Variants in CPVL observed in about 807,000 individuals in gnomAD.
CPVL encodes the protein probable serine carboxypeptidase CPVL.
In CPVL, 51 loss-of-function variants were observed where a neutral mutation model predicts 63.7. The observed-to-expected ratio is 0.80, with a 90% CI of 0.64 to 1.01. The LOEUF is 1.01. Among genes scored for constraint, CPVL ranks in the 50% least tolerant of loss-of-function variants. The pLI, the probability that CPVL is intolerant of heterozygous loss-of-function variation, is 0.00. For synonymous variants in CPVL, 195 were observed against 206.0 expected, an observed-to-expected ratio of 0.95 and a Z score of 0.46; for missense variants, 530 against 573.1, an observed-to-expected ratio of 0.92 and a Z score of 0.77.
At chr7:28,999,345 A>C (rs1379734583) in intron 12 of CPVL, among the ~76,000 whole-genome samples, 8 of 152,232 alleles carry the variant, frequency 5.3e-5, no homozygotes, top group African/African-American at 1.4e-4. Flanking sequence ...GGGCCTAAGA[A>C]TTTGCATATC....
chr7:29,000,454 G>A (rs1784509731), intron 12 of CPVL, among the ~76,000 whole-genome samples: 1 of 152,158 alleles, frequency 6.6e-6, no homozygotes, highest in Non-Finnish European at 1.5e-5. Flanking sequence ...TGGAAATGCA[G>A]GGGCATGAAA....
rs188655556 is a variant in CPVL, at chr7:29,112,585, T to C, written c.288+119A>G. ...ATTTTTAGAAAAACAAAAATCTTAT[T>C]TTTAGAAAAAATCTATGAGATTTTT... On this transcript the variant is annotated intron_variant, in intron 3 of 12. Transcript: ENST00000265394. 21 of 655,734 alleles carry C rather than the reference T, an allele frequency of 3.2e-5. No individual in the cohort carries two copies. In the African/African-American group the frequency reaches 3.3e-4, roughly 10 times the overall value. 40.6% of individuals were successfully genotyped at this position (655,734 alleles called of 1,614,324 possible).
At chr7:29,174,907 CTAGAAGA>C (rs908685573) in intron 5 of CPVL, among the ~76,000 whole-genome samples, 1 of 149,750 alleles carries the variant, frequency 6.7e-6, no homozygotes, top group African/African-American at 2.5e-5. Context: ...GAACAAGAAG[CTAGAAGA>C]GAGAGAGACA....
At chr7:29,082,907 C>T (rs1053563607) in intron 7 of CPVL, among the ~76,000 whole-genome samples, 18 of 152,282 alleles carry the variant, frequency 1.2e-4, no homozygotes, top group Non-Finnish European at 2.2e-4. Context: ...GCATTACACA[C>T]GAAGTAGACC....
chr7:29,096,150 C>A lies in CPVL; in HGVS notation c.356G>T (p.Gly119Val). Reference sequence around the variant, plus strand: ...ATAAGGCCCATGTTCCACAAAGAGTCCAAACATGGATGAACCTCCCGGCCC... The same window carrying A: ...ATAAGGCCCATGTTCCACAAAGAGTACAAACATGGATGAACCTCCCGGCCC... The part of the protein sequence containing the change: ...QGGPGGSSMF[G>V]LFVEHGPYVV... Residue 119 changes from glycine (G) to valine (V), a missense_variant, in exon 4 of 13, where the codon GGA becomes GTA. Transcript: ENST00000265394. The A allele has an allele frequency of 1.1e-5, 18 of 1,614,182 alleles. No homozygotes were observed. Among genetic ancestry groups the A allele is most frequent in the Non-Finnish European group, 1.4e-5 (17 of 1,180,026 alleles).
At chr7:29,047,591 A>C (rs1255961515) in intron 11 of CPVL, among the ~76,000 whole-genome samples, 1 of 152,198 alleles carries the variant, frequency 6.6e-6, no homozygotes, top group African/African-American at 2.4e-5. Context: ...AAAGTAGACA[A>C]ATCGAAAAGT....
chr7:29,153,322 G>A (rs1044360780), intron 5 of CPVL, among the ~76,000 whole-genome samples: 2 of 152,082 alleles, frequency 1.3e-5, no homozygotes, highest in South Asian at 2.1e-4. Flanking sequence ...ACCCTTGAAC[G>A]CATGTGTTTC....
chr7:29,111,675 G>C (rs1788246749), intron 3 of CPVL, among the ~76,000 whole-genome samples: 1 of 152,202 alleles, frequency 6.6e-6, no homozygotes, highest in Non-Finnish European at 1.5e-5. Context: ...GCTTTGGGGT[G>C]AACTATGTCA....
rs145770081 is a variant in CPVL at position 29,024,604 on chromosome 7, T to C, written c.1320+5973A>G. Among the ~76,000 whole-genome samples, 108 of 152,096 alleles carry C rather than the reference T, an allele frequency of 7.1e-4. 1 individual carries two copies. Among genetic ancestry groups the C allele is most frequent in the African/African-American group, 2.5e-3 (105 of 41,496 alleles). On this transcript the variant is annotated intron_variant, in intron 12 of 12. Coordinates refer to ENST00000265394, the MANE Select transcript of CPVL (RefSeq NM_031311.5). ...GAATTCTAAAATTAGCAAGAGAAAA[T>C]TGTCAAGGCACATATAAGGGAATCC...
At chr7:29,044,341 C>T (rs549220327) in intron 11 of CPVL, among the ~76,000 whole-genome samples, 9 of 152,150 alleles carry the variant, frequency 5.9e-5, no homozygotes, top group African/African-American at 1.2e-4. Flanking sequence ...CACTTGAACC[C>T]GGGAGGTGGA....
rs1786795890 is a variant in CPVL at position 29,019,946 on chromosome 7, C to T, written c.1320+10631G>A. 2.0e-5 allele frequency among the ~76,000 whole-genome samples: 3 copies of T among 152,200 alleles called. No individual in the cohort carries two copies. The South Asian group carries it at 6.2e-4, about 31-fold the overall frequency. On this transcript the variant is annotated intron_variant, in intron 12 of 12. Coordinates refer to ENST00000265394, the MANE Select transcript of CPVL (RefSeq NM_031311.5). ...TATGTGGGCCTTGCTTCTTTTGTTA[C>T]TTGTTTTTTTGGCAGCCAGAGGAGT...
At chr7:29,174,078 G>A (rs755460692) in intron 5 of CPVL, among the ~76,000 whole-genome samples, 8 of 152,168 alleles carry the variant, frequency 5.3e-5, no homozygotes, top group Non-Finnish European at 7.4e-5. Context: ...TAGTCTCCAT[G>A]GGGAAGAGGG....
intron 11 of CPVL, among the ~76,000 whole-genome samples, chr7:29,044,826 T>C (rs779817974): frequency 5.4e-5 from 8 of 149,418 alleles, no homozygotes; most frequent in Non-Finnish European, 8.8e-5. Context: ...GCTTACTGGG[T>C]TTTAGATCTC....
At chr7:29,091,669 T>C (rs527791361) in intron 6 of CPVL, among the ~76,000 whole-genome samples, 85 of 142,982 alleles carry the variant, frequency 5.9e-4, no homozygotes, top group African/African-American at 2.5e-3. Flanking sequence ...TCATGGAACA[T>C]GTGAAAAACA....
intron 1 of CPVL, chr7:29,122,278 C>G (rs1342589614): frequency 6.6e-6 from 1 of 152,192 alleles, no homozygotes; most frequent in Admixed American, 6.5e-5. Context: ...CAGCACGGGC[C>G]AGTGGGAATT....
chr7:29,194,865 C>A lies in CPVL; in HGVS notation c.-448+212G>T. On this transcript the variant is annotated intron_variant, in intron 1 of 16. Coordinates refer to the CPVL transcript ENST00000409850. Reference sequence around the variant, plus strand: ...CATGGGCTGGGGGCCGCGGAGGCTGCGAGCGGCCGGGCGAGGGCAGCGGCG... The same window carrying A: ...CATGGGCTGGGGGCCGCGGAGGCTGAGAGCGGCCGGGCGAGGGCAGCGGCG... The A allele has an allele frequency of 3.1e-6, 4 of 1,300,508 alleles. No homozygotes were observed. The South Asian group carries it at 8.0e-5, about 26-fold the overall frequency. The allele number at this position is 1,300,508 out of a possible 1,614,324, so 80.6% of individuals were successfully genotyped here.
chr7:29,077,874 G>T (rs1784376394), intron 7 of CPVL, among the ~76,000 whole-genome samples: 1 of 152,160 alleles, frequency 6.6e-6, no homozygotes, highest in Non-Finnish European at 1.5e-5. Context: ...TGGGCACCAT[G>T]AGGGCAAGAC....
chr7:29,098,728 T>G (rs1041663146), intron 3 of CPVL, among the ~76,000 whole-genome samples: 1 of 151,774 alleles, frequency 6.6e-6, no homozygotes, highest in Non-Finnish European at 1.5e-5. Context: ...TTTTGGCAAG[T>G]TGCCTAAGCT....
At chr7:29,166,153 C>T (rs762197778) in intron 5 of CPVL, among the ~76,000 whole-genome samples, 1 of 152,098 alleles carries the variant, frequency 6.6e-6, no homozygotes, top group Non-Finnish European at 1.5e-5. Flanking sequence ...GCCTCACCCT[C>T]CCAAGTAGCT....
Sources: allele counts gnomAD v4.1 joint callset (sites outside exome capture counted in the v4.1 genomes callset), GRCh38; gene constraint gnomAD v4.1.1; transcripts MANE v1.5; gene names NCBI Gene and HGNC (gene_info 2026-07-23, HGNC 2026-07-21).